The following EYA3 variants were observed in gnomAD, a reference collection of about 807,000 sequenced individuals.
EYA3 encodes the protein protein phosphatase EYA3.
A neutral mutation model predicts 80.0 loss-of-function variants in EYA3; 39 were observed. The observed-to-expected ratio is 0.49, with a 90% CI of 0.38 to 0.64. EYA3 has a LOEUF of 0.64. EYA3 is among the 30% of genes least tolerant of loss of function. The probability of loss-of-function intolerance (pLI) is 0.00; values close to 1 mark genes in which losing one functional copy is unlikely to be tolerated. For synonymous variants in EYA3, 206 were observed against 232.8 expected (o/e 0.88, Z 1.05); for missense variants, 523 against 676.1 (o/e 0.77, Z 2.51).
chr1:28,053,420 T>C (rs1218666398), intron 2 of EYA3, among the ~76,000 whole-genome samples: 1 of 152,222 alleles, frequency 6.6e-6, no homozygotes, highest in Non-Finnish European at 1.5e-5. Flanking sequence ...ATTCTATTTT[T>C]GCTTCTGCTA....
At chr1:28,032,757 A>C (rs901360491) in intron 6 of EYA3, among the ~76,000 whole-genome samples, 17 of 152,208 alleles carry the variant, frequency 1.1e-4, no homozygotes, top group South Asian at 2.1e-4. Context: ...ATTACTCATC[A>C]TATAGCCTTC....
chr1:27,999,826 T>G (rs1253687107), intron 12 of EYA3, 134 bp downstream of exon 12: 1 of 562,680 alleles, frequency 1.8e-6, no homozygotes, highest in Non-Finnish European at 3.1e-6. Context: ...TATGTATGTA[T>G]GCCTTAGTGG....
chr1:28,005,632 T>C (rs1397023196), intron 10 of EYA3, among the ~76,000 whole-genome samples: 2 of 151,540 alleles, frequency 1.3e-5, no homozygotes, highest in Non-Finnish European at 2.9e-5. Flanking sequence ...GGAGGATCAC[T>C]TGGGCGTGGG....
intron 14 of EYA3, among the ~76,000 whole-genome samples, 175 bp from the exon 15 acceptor site, chr1:27,989,986 A>C (rs1639935295): frequency 6.6e-6 from 1 of 152,070 alleles, no homozygotes; most frequent in Non-Finnish European, 1.5e-5. Context: ...CATGTGCTTT[A>C]TTGAATTCCA....
At chr1:28,031,320 T>C (rs1643125007) in intron 6 of EYA3, among the ~76,000 whole-genome samples, 2 of 152,182 alleles carry the variant, frequency 1.3e-5, no homozygotes, top group Admixed American at 1.3e-4. Flanking sequence ...CATGATCCAA[T>C]GGTTTGACTC....
At chr1:28,000,590 G>A (rs974437605) in intron 11 of EYA3, among the ~76,000 whole-genome samples, 3 of 152,020 alleles carry the variant, frequency 2.0e-5, no homozygotes, top group African/African-American at 4.8e-5. Context: ...GGGATTACAG[G>A]TGTGAGCCAC....
intron 1 of EYA3, among the ~76,000 whole-genome samples, chr1:28,077,286 A>T (rs1455431227): frequency 6.6e-6 from 1 of 150,980 alleles, no homozygotes; most frequent in Non-Finnish European, 1.5e-5. Context: ...TTGTATTTTC[A>T]GTAGAGACGG....
At chr1:28,058,229 G>A in intron 1 of EYA3, 135 bp from the exon 2 acceptor site, 1 of 415,822 alleles carries the variant, frequency 2.4e-6, no homozygotes, top group Non-Finnish European at 4.3e-6. Flanking sequence ...TCTCAAACCT[G>A]CACGTGGCTT....
intron 1 of EYA3, among the ~76,000 whole-genome samples, chr1:28,063,719 T>C (rs1644727631): frequency 6.6e-6 from 1 of 152,170 alleles, no homozygotes; most frequent in Non-Finnish European, 1.5e-5. Flanking sequence ...CAAAGAGCAG[T>C]GAAGTCTGAA....
chr1:28,038,853 T>C lies in EYA3; in HGVS notation c.210A>G (p.Gln70=). The part of the protein sequence containing the change: ...IPRSSNDYTS[Q]MYSAKPYAHI... ...ATTCAACTTACTTTGCAGAATACAT[T>C]TGTGAGGTATAATCATTGGATGAGC... is the stretch of plus-strand genomic sequence containing the variant. The change falls in exon 5 of 18, where the codon CAA becomes CAG. Residue 70 remains glutamine (Q), a synonymous_variant. Transcript: ENST00000373871. 1 of 1,590,794 alleles carries C rather than the reference T, an allele frequency of 6.3e-7. No homozygotes were observed. The highest frequency in any genetic ancestry group is 8.6e-7 in the Non-Finnish European group (1 of 1,165,198).
chr1:28,019,980 G>A (rs1056729233), intron 7 of EYA3, among the ~76,000 whole-genome samples: 6 of 151,972 alleles, frequency 3.9e-5, no homozygotes, highest in Admixed American at 1.3e-4. Context: ...GGGATTACAG[G>A]CATGAGCCAC....
At position 28,013,410 on chromosome 1, in the gene EYA3, G is replaced by C. The variant is rs1641828281; in HGVS notation, c.586-116C>G. ...AATTATTTTTCTAAAACATTAATTT[G>C]ACTTCTCATTTACCTACCTAAAAGT... On this transcript the variant is annotated intron_variant, in intron 8 of 17. Transcript: ENST00000373871. This position sits in a 1 kb window ranked among gnomAD's most constrained non-coding sequence, Gnocchi z 4.0. The C allele has an allele frequency of 2.1e-6, 2 of 956,970 alleles. No homozygotes were observed. Among genetic ancestry groups the C allele is most frequent in the Non-Finnish European group, 3.0e-6 (2 of 673,510 alleles). 59.3% of individuals were successfully genotyped at this position (956,970 alleles called of 1,614,324 possible). A position where few individuals can be genotyped will look rare whatever the true frequency, so the allele number is the denominator to read the frequency against.
At chr1:28,075,632 A>G (rs753327492) in intron 1 of EYA3, among the ~76,000 whole-genome samples, 1 of 152,202 alleles carries the variant, frequency 6.6e-6, no homozygotes, top group African/African-American at 2.4e-5. Flanking sequence ...AGCACAAATT[A>G]AAATGCCACA....
chr1:28,016,594 C>T (rs1270464012), intron 8 of EYA3, among the ~76,000 whole-genome samples: 1 of 149,766 alleles, frequency 6.7e-6, no homozygotes, highest in Non-Finnish European at 1.5e-5. Flanking sequence ...TTAACTGTAG[C>T]CAGGAAAAGA....
chr1:28,007,581 C>T (rs1641382796), intron 10 of EYA3, among the ~76,000 whole-genome samples: 2 of 152,118 alleles, frequency 1.3e-5, no homozygotes, highest in East Asian at 3.9e-4. Flanking sequence ...GATCTGCCCA[C>T]CTCAGCCTCC....
chr1:28,059,868 G>A (rs1176849609), intron 1 of EYA3, among the ~76,000 whole-genome samples: 2 of 151,780 alleles, frequency 1.3e-5, no homozygotes, highest in Non-Finnish European at 2.9e-5. Flanking sequence ...CTACAGGCGC[G>A]CCACCATGCC....
intron 1 of EYA3, among the ~76,000 whole-genome samples, chr1:28,062,480 A>C (rs916687318): frequency 6.6e-6 from 1 of 152,222 alleles, no homozygotes; most frequent in Non-Finnish European, 1.5e-5. Flanking sequence ...GGAAATAATT[A>C]GTAACAAATA....
intron 7 of EYA3, among the ~76,000 whole-genome samples, chr1:28,026,788 G>A (rs554375604): frequency 4.1e-4 from 63 of 151,840 alleles, no homozygotes; most frequent in Non-Finnish European, 7.9e-4. Context: ...GGAAACAAGT[G>A]AAGAAAAGAG....
In EYA3 at chr1:28,013,139, A is replaced by C; in HGVS notation, c.741T>G (p.Pro247=). The change falls in exon 9 of 18, where the codon CCT becomes CCG. Residue 247 remains proline, a synonymous_variant. Coordinates refer to ENST00000373871, the MANE Select transcript of EYA3 (RefSeq NM_001990.4). The surrounding 1 kb of genome is among the most constrained non-coding windows in gnomAD (Gnocchi z 4.0). Reference sequence around the variant, plus strand: ...AGGAAAGTCTCTGTGCTGCAGGTGCAGGCGCCATGACACTAGGCTTCTCCG... The same window carrying C: ...AGGAAAGTCTCTGTGCTGCAGGTGCCGGCGCCATGACACTAGGCTTCTCCG... The part of the protein sequence containing the change: ...YQSEKPSVMA[P]APAAQRLSSG... The C allele has an allele frequency of 6.2e-7, 1 of 1,613,662 alleles. No homozygotes were observed. The highest frequency in any genetic ancestry group is 8.5e-7 in the Non-Finnish European group (1 of 1,179,908).
Sources: gnomAD v4.1 joint callset for allele counts (sites outside exome capture counted in the v4.1 genomes callset) on GRCh38, gnomAD v4.1.1 for gene constraint, Gnocchi (gnomAD v3.1) non-coding constraint, MANE v1.5 for transcripts, NCBI Gene and HGNC (gene_info 2026-07-23, HGNC 2026-07-21) for gene names.